WDR17: variants seen among roughly 807,000 people sequenced by gnomAD.
The protein encoded by WDR17 is WD repeat-containing protein 17.
A neutral mutation model predicts 161.7 loss-of-function variants in WDR17; 143 were observed. The observed-to-expected ratio is 0.88, with a 90% confidence interval of 0.77 to 1.02. WDR17 has a LOEUF of 1.02. Ranked by LOEUF, WDR17 falls within the 50% of genes least tolerant of loss-of-function variation. WDR17 has a pLI of 0.00. For synonymous variants in WDR17, 517 were observed against 515.6 expected (o/e 1.00, Z -0.04); for missense variants, 1,469 against 1,520.9 (o/e 0.97, Z 0.57).
Position 176,179,748 on chromosome 4 carries a change from T to G in WDR17, c.*169T>G. The G allele has an allele frequency of 3.2e-6, 1 of 308,394 alleles. No homozygotes were observed. The highest frequency in any genetic ancestry group is 6.9e-5 in the East Asian group (1 of 14,480). The allele number at this position is 308,394 out of a possible 1,614,324, so 19.1% of individuals were successfully genotyped here. On this transcript the variant is annotated 3_prime_UTR_variant, in exon 29 of 29. Coordinates refer to ENST00000508596, the MANE Select transcript of WDR17 (RefSeq NM_181265.4). ...AGTCATTAACTTCAAAATATATATATATATATAATTTAAAGGAAAAATAGG... is the reference window on the plus strand; with the variant it reads ...AGTCATTAACTTCAAAATATATATAGATATATAATTTAAAGGAAAAATAGG...
chr4:176,089,451 G>A (rs1241789713), intron 1 of WDR17, among the ~76,000 whole-genome samples: 3 of 152,116 alleles, frequency 2.0e-5, no homozygotes, highest in Non-Finnish European at 4.4e-5. Flanking sequence ...GTTTATCAGA[G>A]TCTGGTTCTT....
intron 3 of WDR17, among the ~76,000 whole-genome samples, chr4:176,118,020 CT>C (rs1045341463): frequency 6.6e-6 from 1 of 151,790 alleles, no homozygotes; most frequent in Non-Finnish European, 1.5e-5. Flanking sequence ...CTTCTTCTTC[CT>C]TTTGTTTCTA....
intron 1 of WDR17, among the ~76,000 whole-genome samples, chr4:176,084,810 T>C (rs1220707035): frequency 6.7e-6 from 1 of 148,168 alleles, no homozygotes; most frequent in Non-Finnish European, 1.5e-5. Flanking sequence ...TATACACACA[T>C]GCTTATATTT....
intron 1 of WDR17, among the ~76,000 whole-genome samples, chr4:176,105,033 GA>G (rs1298789747): frequency 1.3e-5 from 2 of 151,432 alleles, no homozygotes; most frequent in Admixed American, 1.3e-4. Context: ...GTAAAAGGAT[GA>G]AAAAAATTTT....
intron 1 of WDR17, among the ~76,000 whole-genome samples, chr4:176,091,637 A>G (rs1311737761): frequency 6.6e-6 from 1 of 152,172 alleles, no homozygotes; most frequent in South Asian, 2.1e-4. Flanking sequence ...AGTAATACAT[A>G]TCAGAGCAGA....
At chr4:176,119,844 T>TA in intron 3 of WDR17, 23 bp from the exon 4 acceptor site, 1 of 1,587,044 alleles carries the variant, frequency 6.3e-7, no homozygotes, top group South Asian at 1.1e-5. Context: ...CTTTATTATG[T>TA]ATCTGTATTT....
intron 13 of WDR17, among the ~76,000 whole-genome samples, chr4:176,149,365 G>A (rs149863733): frequency 6.6e-6 from 1 of 151,922 alleles, no homozygotes; most frequent in Non-Finnish European, 1.5e-5. Flanking sequence ...CACCTCCCAG[G>A]TTCAAGAGAT....
intron 17 of WDR17, among the ~76,000 whole-genome samples, chr4:176,153,782 C>T (rs1747616965): frequency 6.6e-6 from 1 of 152,068 alleles, no homozygotes; most frequent in South Asian, 2.1e-4. Flanking sequence ...TTTCCATATA[C>T]TTCAAGAAAA....
At chr4:176,169,532 T>C (rs1750392757) in intron 23 of WDR17, among the ~76,000 whole-genome samples, 1 of 152,200 alleles carries the variant, frequency 6.6e-6, no homozygotes, top group African/African-American at 2.4e-5. Context: ...TTTATGTTTA[T>C]AGCATATTTA....
At chr4:176,122,011 C>T (rs147385925) in intron 4 of WDR17, among the ~76,000 whole-genome samples, 1 of 152,184 alleles carries the variant, frequency 6.6e-6, no homozygotes, top group African/African-American at 2.4e-5. Flanking sequence ...TGTAAGAAGA[C>T]TATCACAAAC....
rs779650896 is a variant in WDR17, at chr4:176,120,101, A to G, written c.538+4A>G. The G allele has an allele frequency of 1.9e-6, 3 of 1,606,526 alleles. No homozygotes were observed. The African/African-American group carries it at 4.0e-5, about 22-fold the overall frequency. ...AGTCTATCAATTTTTCATCCAGGTA[A>G]GAATTTAATTAGCAAGGTATCTTAA... On this transcript the variant is annotated splice_donor_region_variant and intron_variant, in intron 4 of 28. Transcript: ENST00000508596.
intron 9 of WDR17, among the ~76,000 whole-genome samples, chr4:176,138,962 A>C (rs964394551): frequency 4.0e-5 from 6 of 151,876 alleles, no homozygotes; most frequent in African/African-American, 1.2e-4. Flanking sequence ...TGCAATTTTC[A>C]TGGGAATAAA....
In WDR17 at chr4:176,161,940, A is replaced by T. The variant is rs1048587614; in HGVS notation, c.2751-135A>T. The T allele has an allele frequency of 7.0e-6, 5 of 710,262 alleles. No individual in the cohort carries two copies. The African/African-American group carries it at 9.1e-5, about 13-fold the overall frequency. 44.0% of individuals were successfully genotyped at this position (710,262 alleles called of 1,614,324 possible). On this transcript the variant is annotated intron_variant, in intron 20 of 28. Coordinates refer to ENST00000508596, the MANE Select transcript of WDR17 (RefSeq NM_181265.4). ...ACCACTTTCCTGATTTATTTTTTCC[A>T]AAAACAAGTCTTTAAAGCAAGCATG...
rs192607761 is a variant in WDR17, at chr4:176,152,853, T to C, written c.2460+886T>C. ...GGGAGGCTGAGGCAGGAGAACTGCT[T>C]GAACCTGGGAGGCGGAGGTTGCACG... On this transcript the variant is annotated intron_variant, in intron 17 of 28. Coordinates refer to ENST00000508596, the MANE Select transcript of WDR17 (RefSeq NM_181265.4). Among the ~76,000 whole-genome samples the C allele has an allele frequency of 3.2e-4, 48 of 151,570 alleles. 1 individual carries two copies. Among genetic ancestry groups the C allele is most frequent in the African/African-American group, 1.1e-3 (45 of 41,294 alleles).
rs1327211165 is a variant in WDR17 at position 176,125,123 on chromosome 4, T to C, written c.558T>C (p.His186=). 1 of 1,614,036 alleles carries C rather than the reference T, an allele frequency of 6.2e-7. No homozygotes were observed. Residue 186 remains histidine, a synonymous_variant, in exon 5 of 29, where the codon CAT becomes CAC. Transcript: ENST00000508596. ...TAACAGGTAATAAAAATCAGAAACATGTTTTGAGACCAGAATCTCTTGAAG... is the reference window on the plus strand; with the variant it reads ...TAACAGGTAATAAAAATCAGAAACACGTTTTGAGACCAGAATCTCTTGAAG... ...IFHPGNKNQK[H]VLRPESLEGT... is the part of the protein sequence containing the mutation.
intron 1 of WDR17, among the ~76,000 whole-genome samples, chr4:176,100,452 G>A (rs1429696120): frequency 6.6e-6 from 1 of 151,964 alleles, no homozygotes; most frequent in African/African-American, 2.4e-5. Flanking sequence ...TTGTCATTGA[G>A]TTGTTTGGTT....
chr4:176,129,530 A>C (rs73018089), intron 6 of WDR17, among the ~76,000 whole-genome samples: 2,471 of 152,258 alleles, frequency 0.016, 78 homozygotes, highest in African/African-American at 0.057. Context: ...TAAGTCTATC[A>C]TGATTACTCT....
At chr4:176,085,974 C>T (rs1478032593) in intron 1 of WDR17, among the ~76,000 whole-genome samples, 1 of 151,930 alleles carries the variant, frequency 6.6e-6, no homozygotes, top group African/African-American at 2.4e-5. Context: ...AATCTAGCTG[C>T]AACCCACAAA....
intron 1 of WDR17, among the ~76,000 whole-genome samples, chr4:176,067,706 A>C (rs73874910): frequency 6.6e-6 from 1 of 152,198 alleles, no homozygotes; most frequent in Admixed American, 6.5e-5. Context: ...CAATGCTCCC[A>C]GTAGAGGGGA....
Sources: gnomAD v4.1 joint callset for allele counts (sites outside exome capture counted in the v4.1 genomes callset) on GRCh38, gnomAD v4.1.1 for gene constraint, MANE v1.5 for transcripts, NCBI Gene and HGNC (gene_info 2026-07-23, HGNC 2026-07-21) for gene names.